SGPP2: variants seen among roughly 807,000 people sequenced by gnomAD.
SGPP2 encodes the protein sphingosine-1-phosphate phosphatase 2, also known as sphingosine 1-phosphate phosphohydrolase 2.
A neutral mutation model predicts 33.9 loss-of-function variants in SGPP2; 30 were observed. That is an observed-to-expected ratio of 0.89 (90% CI 0.66 to 1.20). SGPP2 has a LOEUF of 1.20. Among genes scored for constraint, SGPP2 ranks in the 50% most tolerant of loss-of-function variants. The probability of loss-of-function intolerance (pLI) is 0.00; values close to 1 mark genes in which losing one functional copy is unlikely to be tolerated. For missense variants in SGPP2, 458 were observed against 532.1 expected (o/e 0.86, Z 1.37); for synonymous variants, 233 against 225.0 (o/e 1.04, Z -0.32).
In SGPP2 at chr2:222,533,738, C is replaced by A. The variant is rs574258624; in HGVS notation, c.648+8705C>A. Among the ~76,000 whole-genome samples, 12 of 152,190 alleles carry A rather than the reference C, an allele frequency of 7.9e-5. No individual in the cohort carries two copies. The South Asian group carries it at 2.5e-3, about 32-fold the overall frequency. On this transcript the variant is annotated intron_variant, in intron 4 of 4. Transcript: ENST00000321276. ...CAAGCTTATCTCTGCATGGTGGATT[C>A]ATACTCTCGGTCTGCCATCCTCCCT...
At chr2:222,445,651 CTT>C (rs1206550424) in intron 1 of SGPP2, among the ~76,000 whole-genome samples, 3 of 151,760 alleles carry the variant, frequency 2.0e-5, no homozygotes, top group Non-Finnish European at 4.4e-5. Context: ...CTCAGAATCA[CTT>C]TGGAACGATT....
chr2:222,428,855 C>T (rs182540330), intron 1 of SGPP2, among the ~76,000 whole-genome samples: 8 of 139,052 alleles, frequency 5.8e-5, no homozygotes, highest in Admixed American at 4.8e-4. Flanking sequence ...ACAGTGGCTC[C>T]ATCTCAGCTC....
chr2:222,557,258 T>C (rs929574804), intron 4 of SGPP2, among the ~76,000 whole-genome samples: 1 of 152,218 alleles, frequency 6.6e-6, no homozygotes, highest in Non-Finnish European at 1.5e-5. Flanking sequence ...GGATGGTGTA[T>C]GTTTGGTTCA....
chr2:222,486,203 C>A (rs746217290), intron 2 of SGPP2, among the ~76,000 whole-genome samples: 3 of 152,142 alleles, frequency 2.0e-5, no homozygotes, highest in Non-Finnish European at 1.5e-5. Context: ...GCTGAGGCTA[C>A]CTCTGGGAAA....
At chr2:222,512,228 G>T (rs1037368413) in intron 2 of SGPP2, among the ~76,000 whole-genome samples, 17 of 151,266 alleles carry the variant, frequency 1.1e-4, no homozygotes, top group African/African-American at 4.1e-4. Context: ...AGCCAGGATG[G>T]TCTCAATCTC....
chr2:222,473,028 AC>A (rs2106094793), intron 1 of SGPP2, among the ~76,000 whole-genome samples: 1 of 152,234 alleles, frequency 6.6e-6, no homozygotes, highest in African/African-American at 2.4e-5. Context: ...AAACAAACAA[AC>A]AAAAAATAAA....
Position 222,440,288 on chromosome 2 carries a change from T to C in SGPP2, c.219+15467T>C, listed in dbSNP as rs139302939. Among the ~76,000 whole-genome samples, 223 of 152,294 alleles carry C rather than the reference T, an allele frequency of 1.5e-3. 1 individual carries two copies. The highest frequency in any genetic ancestry group is 5.1e-3 in the African/African-American group (210 of 41,562). ...GAGTGTCAGAAAAGCACATTTGTCC[T>C]TAATTTTATTTTGACAGACTTGTTT... On this transcript the variant is annotated intron_variant, in intron 1 of 4. Coordinates refer to ENST00000321276, the MANE Select transcript of SGPP2 (RefSeq NM_152386.4).
intron 2 of SGPP2, among the ~76,000 whole-genome samples, chr2:222,480,733 T>C (rs1310229376): frequency 1.3e-5 from 2 of 152,258 alleles, no homozygotes; most frequent in East Asian, 3.8e-4. Flanking sequence ...GTACTCATTC[T>C]GACTCCTTTT....
In SGPP2 at chr2:222,466,404, G is replaced by A. The variant is rs182584311; in HGVS notation, c.220-8164G>A. 2.8e-3 allele frequency among the ~76,000 whole-genome samples: 422 copies of A among 151,918 alleles called. 3 individuals are homozygous for A. Among genetic ancestry groups the A allele is most frequent in the African/African-American group, 9.1e-3 (379 of 41,448 alleles). ...CTCCCAAGTAGCTGGGACTACAAGC[G>A]CATGCCACCATGCCTGGCTAATTTT... On this transcript the variant is annotated intron_variant, in intron 1 of 4. Transcript: ENST00000321276.
At chr2:222,536,098 A>G (rs1698911754) in intron 4 of SGPP2, among the ~76,000 whole-genome samples, 1 of 152,214 alleles carries the variant, frequency 6.6e-6, no homozygotes, top group African/African-American at 2.4e-5. Flanking sequence ...GAAATCTTCC[A>G]TAGGAGCCAG....
chr2:222,454,230 C>T (rs1333003602), intron 1 of SGPP2, among the ~76,000 whole-genome samples: 1 of 152,040 alleles, frequency 6.6e-6, no homozygotes, highest in Non-Finnish European at 1.5e-5. Flanking sequence ...AGAGGAGAGC[C>T]TGCTGGTGTT....
intron 4 of SGPP2, among the ~76,000 whole-genome samples, chr2:222,541,937 A>G (rs1699004705): frequency 6.6e-6 from 1 of 152,206 alleles, no homozygotes; most frequent in South Asian, 2.1e-4. Flanking sequence ...AATTTTTATT[A>G]ACCTGTGGTG....
intron 2 of SGPP2, among the ~76,000 whole-genome samples, chr2:222,508,148 C>T (rs1470271197): frequency 6.6e-6 from 1 of 152,168 alleles, no homozygotes; most frequent in South Asian, 2.1e-4. Context: ...GATGTGATAT[C>T]GTAATCTCTC....
intron 4 of SGPP2, among the ~76,000 whole-genome samples, chr2:222,546,131 A>G (rs1414312361): frequency 2.6e-5 from 4 of 152,242 alleles, no homozygotes; most frequent in Admixed American, 6.5e-5. Context: ...GTCATGTATC[A>G]TATGTTTAAA....
intron 2 of SGPP2, among the ~76,000 whole-genome samples, chr2:222,489,400 T>G: frequency 6.6e-6 from 1 of 151,632 alleles, no homozygotes; most frequent in Non-Finnish European, 1.5e-5. Flanking sequence ...TGACTGTTAA[T>G]TAGAATGTAT....
At chr2:222,447,048 C>T (rs1432130127) in intron 1 of SGPP2, among the ~76,000 whole-genome samples, 3 of 152,162 alleles carry the variant, frequency 2.0e-5, no homozygotes, top group Non-Finnish European at 4.4e-5. Flanking sequence ...TCAGCTGCTC[C>T]ACAATATCAT....
intron 4 of SGPP2, among the ~76,000 whole-genome samples, chr2:222,535,566 C>T (rs919684452): frequency 2.0e-5 from 3 of 152,178 alleles, no homozygotes; most frequent in African/African-American, 4.8e-5. Context: ...GAGGCCCCTG[C>T]GTGGCAGAGA....
At chr2:222,542,377 T>C (rs1037582248) in intron 4 of SGPP2, among the ~76,000 whole-genome samples, 11 of 152,222 alleles carry the variant, frequency 7.2e-5, no homozygotes, top group African/African-American at 2.7e-4. Context: ...CCCCAAACTT[T>C]CTTTTATGTG....
rs139368065 is a variant in SGPP2, at chr2:222,464,564, C to A, written c.220-10004C>A. Among the ~76,000 whole-genome samples, 515 of 152,310 alleles carry A rather than the reference C, an allele frequency of 3.4e-3. 3 individuals carry two copies. The highest frequency in any genetic ancestry group is 5.2e-3 in the Non-Finnish European group (354 of 68,024). ...GTGGCATGATCATGGCTCACTGGAG[C>A]CTCTACCACCCAGGTTCAAACAATT... On this transcript the variant is annotated intron_variant, in intron 1 of 4. Coordinates refer to ENST00000321276, the MANE Select transcript of SGPP2 (RefSeq NM_152386.4).
Sources: allele counts gnomAD v4.1 joint callset (sites outside exome capture counted in the v4.1 genomes callset), GRCh38; gene constraint gnomAD v4.1.1; transcripts MANE v1.5; gene names NCBI Gene and HGNC (gene_info 2026-07-23, HGNC 2026-07-21).